ATE1: variants seen among roughly 807,000 people sequenced by gnomAD.
The protein encoded by ATE1 is arginyltransferase 1.
In ATE1, 36 loss-of-function variants were observed where a neutral mutation model predicts 70.5. The observed-to-expected ratio is 0.51, with a 90% CI of 0.39 to 0.67. The LOEUF is 0.67. Ranked by LOEUF, ATE1 falls within the 30% of genes least tolerant of loss-of-function variation. The pLI is 0.00. For missense variants in ATE1, 593 were observed against 629.5 expected (o/e 0.94, Z 0.62); for synonymous variants, 232 against 219.3 (o/e 1.06, Z -0.51).
chr10:121,907,221 G>A (rs539493331), intron 5 of ATE1, among the ~76,000 whole-genome samples: 74 of 152,166 alleles, frequency 4.9e-4, no homozygotes, highest in Admixed American at 4.5e-3. Flanking sequence ...TTGGGAGCCC[G>A]GGGCAGGTGG....
intron 8 of ATE1, among the ~76,000 whole-genome samples, chr10:121,858,484 T>C (rs765918107): frequency 1.3e-5 from 2 of 151,764 alleles, no homozygotes; most frequent in Admixed American, 6.6e-5. Context: ...TCACCATAAC[T>C]TTGAAGATCC....
chr10:121,879,678 C>T (rs1366607231), intron 7 of ATE1, among the ~76,000 whole-genome samples: 1 of 152,166 alleles, frequency 6.6e-6, no homozygotes, highest in Non-Finnish European at 1.5e-5. Flanking sequence ...TCCCATGTTT[C>T]TTCACAGCCC....
chr10:121,810,554 G>C (rs1297761585), intron 10 of ATE1, among the ~76,000 whole-genome samples: 1 of 152,130 alleles, frequency 6.6e-6, no homozygotes, highest in Non-Finnish European at 1.5e-5. Context: ...ACAGGCGTGA[G>C]ACACCGCGCC....
intron 8 of ATE1, among the ~76,000 whole-genome samples, chr10:121,852,174 T>G (rs1949080381): frequency 6.6e-6 from 1 of 152,232 alleles, no homozygotes; most frequent in South Asian, 2.1e-4. Flanking sequence ...CTGAAAGTCT[T>G]CAGGGGCTTT....
At chr10:121,928,202 A>G (rs1590754955), upstream of ATE1, 2 of 1,324,424 alleles carry the variant, frequency 1.5e-6, no homozygotes, top group South Asian at 3.6e-5. Flanking sequence ...GGTGAGGCGG[A>G]GAGACAGAGC....
rs562044984 is a variant in ATE1 at position 121,828,256 on chromosome 10, G to A, written c.1257+8462C>T. On this transcript the variant is annotated intron_variant, in intron 10 of 11. Coordinates refer to ENST00000224652, the MANE Select transcript of ATE1 (RefSeq NM_001001976.3). ...AGACATGAGTGTGCACAGCAAAACA[G>A]AGAATGAAGGTGTCACTTTCATACC... Among the ~76,000 whole-genome samples the A allele has an allele frequency of 2.0e-5, 3 of 152,342 alleles. No individual in the cohort carries two copies. The South Asian group carries it at 6.2e-4, about 32-fold the overall frequency.
chr10:121,924,816 TAAAG>T (rs1952023447), intron 1 of ATE1, among the ~76,000 whole-genome samples: 1 of 151,340 alleles, frequency 6.6e-6, no homozygotes, highest in Non-Finnish European at 1.5e-5. Flanking sequence ...ACAGCACAAA[TAAAG>T]AATGACACTA....
intron 10 of ATE1, among the ~76,000 whole-genome samples, chr10:121,791,731 C>T (rs2133290360): frequency 6.6e-6 from 1 of 152,216 alleles, no homozygotes; most frequent in East Asian, 1.9e-4. Context: ...CAGAAACAAA[C>T]CTTTTAGTAT....
At chr10:121,900,054 TATGC>T in intron 6 of ATE1, 60 bp from the exon 7 acceptor site, 1 of 1,582,430 alleles carries the variant, frequency 6.3e-7, no homozygotes, top group Non-Finnish European at 8.6e-7. Context: ...TTCTGTGGAA[TATGC>T]ATTAAGAGTA....
At chr10:121,838,647 T>C (rs1223186327) in intron 9 of ATE1, among the ~76,000 whole-genome samples, 1 of 152,104 alleles carries the variant, frequency 6.6e-6, no homozygotes, top group Non-Finnish European at 1.5e-5. Context: ...TGCTAGGGAG[T>C]ATCTGAAATT....
chr10:121,898,177 C>T (rs7918052), intron 7 of ATE1, among the ~76,000 whole-genome samples: 2,272 of 152,242 alleles, frequency 0.015, 57 homozygotes, highest in African/African-American at 0.05. Context: ...CCTCAATAAA[C>T]GCCCGTTAAA....
In ATE1 at chr10:121,927,904, G is replaced by A. The variant is rs1434251593; in HGVS notation, c.46C>T (p.Pro16Ser). ...GGSPSVVDYF[P>S]SEDFYRCGYC... Reference sequence around the variant, plus strand: ...CCGCAGCGGTAGAAGTCCTCGCTAGGGAAATAGTCCACGACGCTGGGCGAA... The same window carrying A: ...CCGCAGCGGTAGAAGTCCTCGCTAGAGAAATAGTCCACGACGCTGGGCGAA... Residue 16 changes from proline (P) to serine (S), a missense_variant, in exon 1 of 12, where the codon CCT becomes TCT. Pro to Ser is a moderately conservative substitution (Grantham distance 74). Around this residue, in one of 3 missense-constraint regions of ATE1, gnomAD observed 467 missense variants for 469.6 expected, o/e 0.99. Transcript: ENST00000224652. 2 of 1,593,134 alleles carry A rather than the reference G, an allele frequency of 1.3e-6. No individual in the cohort carries two copies. Among genetic ancestry groups the A allele is most frequent in the Admixed American group, 3.4e-5 (2 of 58,516 alleles).
intron 8 of ATE1, among the ~76,000 whole-genome samples, chr10:121,847,756 CAAAAAAAAAAAAAA>C (rs34868723): frequency 4.9e-5 from 3 of 60,846 alleles, no homozygotes; most frequent in Admixed American, 2.3e-4. Flanking sequence ...GACTCTGTCT[CAAAAAAAAAAAAAA>C]AAAAAAAAAA....
rs79207365 is a variant in ATE1 at position 121,808,672 on chromosome 10, T to C, written c.1258-18383A>G. Among the ~76,000 whole-genome samples the C allele has an allele frequency of 4.1e-3, 618 of 152,302 alleles. 7 individuals are homozygous for C. The highest frequency in any genetic ancestry group is 0.014 in the African/African-American group (599 of 41,572). ...ATAGCAAAAGCCACCTTATTTTAAG[T>C]GAACAGGGCTAACAGTGGTGAATTA... is the stretch of plus-strand genomic sequence containing the variant. On this transcript the variant is annotated intron_variant, in intron 10 of 11. Coordinates refer to ENST00000224652, the MANE Select transcript of ATE1 (RefSeq NM_001001976.3).
At chr10:121,773,390 T>C (rs930270777) in intron 11 of ATE1, among the ~76,000 whole-genome samples, 2 of 152,192 alleles carry the variant, frequency 1.3e-5, no homozygotes, top group African/African-American at 4.8e-5. Flanking sequence ...CATCAATACA[T>C]TGAAACTCTG....
intron 10 of ATE1, among the ~76,000 whole-genome samples, chr10:121,833,171 G>A (rs1317623478): frequency 6.6e-6 from 1 of 151,978 alleles, no homozygotes; most frequent in Non-Finnish European, 1.5e-5. Flanking sequence ...TGCTATCAGA[G>A]TATTTATCAA....
At chr10:121,885,808 G>C (rs141622073) in intron 7 of ATE1, among the ~76,000 whole-genome samples, 3 of 151,902 alleles carry the variant, frequency 2.0e-5, no homozygotes, top group Non-Finnish European at 4.4e-5. Flanking sequence ...GCTGAAGCAC[G>C]AGAATCGCTT....
chr10:121,852,643 A>C (rs1949098682), intron 8 of ATE1, among the ~76,000 whole-genome samples: 1 of 152,090 alleles, frequency 6.6e-6, no homozygotes. Context: ...CCCGGGAGGC[A>C]GAGGTTGCAG....
intron 8 of ATE1, among the ~76,000 whole-genome samples, chr10:121,863,089 AACT>A (rs1269838276): frequency 6.6e-6 from 1 of 152,134 alleles, no homozygotes; most frequent in Non-Finnish European, 1.5e-5. Flanking sequence ...TGAAGTCCCC[AACT>A]ACTACATTTC....
Sources: gnomAD v4.1 joint callset for allele counts (sites outside exome capture counted in the v4.1 genomes callset) on GRCh38, gnomAD v4.1.1 for gene constraint, gnomAD v4.1.1 regional missense constraint, MANE v1.5 for transcripts, NCBI Gene and HGNC (gene_info 2026-07-23, HGNC 2026-07-21) for gene names.